RNF38: variants seen among roughly 807,000 people sequenced by gnomAD.
RNF38 encodes E3 ubiquitin-protein ligase RNF38.
In RNF38, 15 loss-of-function variants were observed where a neutral mutation model predicts 67.2. The ratio of observed to expected loss-of-function variants is 0.22; its 90% CI spans 0.15 to 0.34. RNF38 has a LOEUF of 0.34. RNF38 is among the 10% of genes least tolerant of loss of function. The pLI is 1.00. For synonymous variants in RNF38, 220 were observed against 218.8 expected, an observed-to-expected ratio of 1.01 and a Z score of -0.05; for missense variants, 524 against 639.9, an observed-to-expected ratio of 0.82 and a Z score of 1.95.
At chr9:36,466,091 TCA>T (rs1052198941) in intron 1 of RNF38, among the ~76,000 whole-genome samples, 1 of 152,158 alleles carries the variant, frequency 6.6e-6, no homozygotes, top group African/African-American at 2.4e-5. Flanking sequence ...CTGATACATG[TCA>T]CAACATAGAT....
chr9:36,448,221 T>G (rs866389890), intron 1 of RNF38, among the ~76,000 whole-genome samples: 1 of 152,220 alleles, frequency 6.6e-6, no homozygotes, highest in Non-Finnish European at 1.5e-5. Context: ...TATGTTTGTA[T>G]TCATTGTGAT....
At chr9:36,347,841 G>A (rs1038378502) in intron 9 of RNF38, among the ~76,000 whole-genome samples, 4 of 152,148 alleles carry the variant, frequency 2.6e-5, no homozygotes, top group Non-Finnish European at 5.9e-5. Flanking sequence ...ACTTTGGGAG[G>A]CTGAGCGGGT....
At chr9:36,401,159 C>G, upstream of RNF38, 1 of 985,064 alleles carries the variant, frequency 1.0e-6, no homozygotes, top group Non-Finnish European at 1.2e-6. Flanking sequence ...GGCTCCGCAC[C>G]GCGCGCCGAA....
chr9:36,434,278 G>A (rs1839006960), intron 1 of RNF38, among the ~76,000 whole-genome samples: 1 of 110,460 alleles, frequency 9.1e-6, no homozygotes, highest in African/African-American at 3.4e-5. Flanking sequence ...GGGGGGAAGG[G>A]ATAGGGGAGA....
chr9:36,395,124 A>T (rs1398260754), intron 1 of RNF38, among the ~76,000 whole-genome samples: 2 of 152,234 alleles, frequency 1.3e-5, no homozygotes, highest in African/African-American at 4.8e-5. Context: ...TTAACCTTTT[A>T]AGCATCAACA....
intron 1 of RNF38, among the ~76,000 whole-genome samples, chr9:36,456,409 T>C (rs1284219071): frequency 6.6e-6 from 1 of 152,228 alleles, no homozygotes; most frequent in Non-Finnish European, 1.5e-5. Context: ...CAAAATATAA[T>C]ATGCATTTCT....
intron 4 of RNF38, among the ~76,000 whole-genome samples, chr9:36,360,512 A>G (rs1422457091): frequency 2.6e-5 from 4 of 152,220 alleles, no homozygotes; most frequent in African/African-American, 9.6e-5. Flanking sequence ...CTCTAATCCC[A>G]AAATCTGAAA....
intron 1 of RNF38, among the ~76,000 whole-genome samples, chr9:36,476,038 A>T (rs1377211794): frequency 6.6e-6 from 1 of 151,914 alleles, no homozygotes; most frequent in Non-Finnish European, 1.5e-5. Flanking sequence ...AAAGAAATAT[A>T]AATTATAAAT....
intron 2 of RNF38, among the ~76,000 whole-genome samples, chr9:36,418,735 G>A (rs949564691): frequency 7.9e-5 from 12 of 152,030 alleles, no homozygotes; most frequent in African/African-American, 2.9e-4. Flanking sequence ...GCAGTGAGGC[G>A]AGATGGTGCC....
chr9:36,400,261 C>T lies in RNF38; in HGVS notation c.-153G>A. On this transcript the variant is annotated 5_prime_UTR_variant, in exon 1 of 12. Coordinates refer to ENST00000259605, the MANE Select transcript of RNF38 (RefSeq NM_022781.5). The stretch of plus-strand genomic sequence containing the variant: ...CAGCCTATCCAGAAACCCACGGAAG[C>T]AGAAGGACGCCAGAGAGGACCCTTT... 7.3e-7 allele frequency: 1 copy of T among 1,368,442 alleles called. No homozygotes were observed. Among genetic ancestry groups the T allele is most frequent in the Non-Finnish European group, 9.5e-7 (1 of 1,056,092 alleles). The allele number at this position is 1,368,442 out of a possible 1,614,324, so 84.8% of individuals were successfully genotyped here.
At chr9:36,348,643 G>A (rs1333803168) in intron 9 of RNF38, among the ~76,000 whole-genome samples, 1 of 152,186 alleles carries the variant, frequency 6.6e-6, no homozygotes, top group Non-Finnish European at 1.5e-5. Flanking sequence ...CCAGAACAAG[G>A]TCCTTTAATT....
At chr9:36,473,529 A>G (rs1222347701) in intron 1 of RNF38, among the ~76,000 whole-genome samples, 1 of 151,802 alleles carries the variant, frequency 6.6e-6, no homozygotes, top group African/African-American at 2.4e-5. Flanking sequence ...TGGAGGTTGC[A>G]GTGAGCCAAG....
At chr9:36,393,946 C>A (rs1837333298) in intron 1 of RNF38, among the ~76,000 whole-genome samples, 1 of 152,148 alleles carries the variant, frequency 6.6e-6, no homozygotes, top group Admixed American at 6.5e-5. Context: ...ACAAGAACCA[C>A]ATTCTACCAG....
intron 1 of RNF38, among the ~76,000 whole-genome samples, chr9:36,459,474 G>A (rs2134367819): frequency 6.6e-6 from 1 of 152,156 alleles, no homozygotes; most frequent in Non-Finnish European, 1.5e-5. Context: ...CCTTCATTTT[G>A]GTACACTGAG....
intron 1 of RNF38, among the ~76,000 whole-genome samples, chr9:36,482,578 C>T (rs1253564525): frequency 6.6e-6 from 1 of 151,894 alleles, no homozygotes; most frequent in African/African-American, 2.4e-5. Flanking sequence ...GTCTTGAACT[C>T]CTGACCTCAG....
chr9:36,352,886 A>G (rs777288020), intron 7 of RNF38, 38 bp from the exon 8 acceptor site: 1 of 1,380,558 alleles, frequency 7.2e-7, no homozygotes, highest in African/African-American at 1.4e-5. Flanking sequence ...GAATCACTCT[A>G]CGTTTACAAA....
intron 1 of RNF38, among the ~76,000 whole-genome samples, chr9:36,442,553 G>A (rs1271461867): frequency 1.3e-5 from 2 of 152,120 alleles, no homozygotes; most frequent in South Asian, 4.1e-4. Context: ...AGGCCGAGGC[G>A]GGCGGATCAT....
At chr9:36,344,746 C>T in intron 10 of RNF38, 86 bp downstream of exon 10, 2 of 1,345,724 alleles carry the variant, frequency 1.5e-6, no homozygotes, top group South Asian at 1.4e-5. Context: ...TTTCCTCTCC[C>T]AACTTTTACC....
intron 2 of RNF38, among the ~76,000 whole-genome samples, chr9:36,422,355 T>C (rs575943681): frequency 2.6e-5 from 4 of 152,136 alleles, no homozygotes; most frequent in Admixed American, 2.6e-4. Flanking sequence ...AGGCAGAGGT[T>C]GCAGTGAGCC....
Sources: allele counts gnomAD v4.1 joint callset (sites outside exome capture counted in the v4.1 genomes callset), GRCh38; gene constraint gnomAD v4.1.1; transcripts MANE v1.5; gene names NCBI Gene and HGNC (gene_info 2026-07-23, HGNC 2026-07-21).